Variants in KCNMA1 observed in about 807,000 individuals in gnomAD.
The protein encoded by KCNMA1 is potassium calcium-activated channel subfamily M alpha 1.
In KCNMA1, 29 loss-of-function variants were observed where a neutral mutation model predicts 140.0. The observed-to-expected ratio is 0.21, with a 90% CI of 0.15 to 0.28. The LOEUF (loss-of-function observed/expected upper bound fraction) is 0.28, where lower values mean the gene tolerates loss of function less well. KCNMA1 is among the 10% of genes least tolerant of loss of function. The probability of loss-of-function intolerance (pLI) is 1.00; values close to 1 mark genes in which losing one functional copy is unlikely to be tolerated. For synonymous variants in KCNMA1, 612 were observed against 611.9 expected (o/e 1.00, Z 0.00); for missense variants, 880 against 1,602.2 (o/e 0.55, Z 7.70).
chr10:77,434,015 T>A (rs895325768), intron 1 of KCNMA1, among the ~76,000 whole-genome samples: 1 of 152,162 alleles, frequency 6.6e-6, no homozygotes, highest in Non-Finnish European at 1.5e-5. Context: ...CAGTTAAACT[T>A]TTTATGTCAC....
chr10:77,012,643 A>G lies in KCNMA1; in HGVS notation c.2016-600T>C, dbSNP rs1312502525. ...GAGTTTCACAGCTTATTTTACTCCAAAGCTGACTGGACCAATTCCCATGCT... is the reference window on the plus strand; with the variant it reads ...GAGTTTCACAGCTTATTTTACTCCAGAGCTGACTGGACCAATTCCCATGCT... On this transcript the variant is annotated intron_variant, in intron 17 of 27. Transcript: ENST00000286628. 6.3e-6 allele frequency: 7 copies of G among 1,104,218 alleles called. No homozygotes were observed. The African/African-American group carries it at 7.8e-5, about 12-fold the overall frequency. The allele number at this position is 1,104,218 out of a possible 1,614,324, so 68.4% of individuals were successfully genotyped here. A position where few individuals can be genotyped will look rare whatever the true frequency, so the allele number is the denominator to read the frequency against.
chr10:77,513,093 C>T (rs1439788), intron 1 of KCNMA1, among the ~76,000 whole-genome samples: 48,945 of 150,900 alleles, frequency 0.32, 8,871 homozygotes, highest in East Asian at 0.53. Flanking sequence ...CCCTGAAAAA[C>T]GGCCCCTGCC....
At chr10:77,283,990 G>C (rs2069682240) in intron 2 of KCNMA1, among the ~76,000 whole-genome samples, 2 of 152,172 alleles carry the variant, frequency 1.3e-5, no homozygotes. Context: ...CTGTGGGAAA[G>C]GGATGGGAAG....
intron 3 of KCNMA1, among the ~76,000 whole-genome samples, chr10:77,226,123 C>T (rs1015129021): frequency 1.3e-5 from 2 of 152,052 alleles, no homozygotes; most frequent in African/African-American, 4.8e-5. Context: ...TTTTGAAATG[C>T]CAAATAATAT....
intron 9 of KCNMA1, among the ~76,000 whole-genome samples, chr10:77,102,531 C>T (rs1250755944): frequency 6.6e-6 from 1 of 152,240 alleles, no homozygotes; most frequent in Non-Finnish European, 1.5e-5. Flanking sequence ...GCAAGCACTG[C>T]TCAGGCAGGT....
In KCNMA1 at chr10:77,236,677, C is replaced by A. The variant is rs79028913; in HGVS notation, c.602+14518G>T. 4.4e-3 allele frequency among the ~76,000 whole-genome samples: 666 copies of A among 152,252 alleles called. 28 individuals are homozygous for A. In the East Asian group the frequency reaches 0.085, roughly 19 times the overall value. On this transcript the variant is annotated intron_variant, in intron 3 of 27. Transcript: ENST00000286628. Reference sequence around the variant, plus strand: ...TCAGTACATTTATACAGTATACATACGTTTATACAGTATATATACATTTAT... The same window carrying A: ...TCAGTACATTTATACAGTATACATAAGTTTATACAGTATATATACATTTAT...
chr10:76,992,176 A>T (rs2082964362), intron 19 of KCNMA1, among the ~76,000 whole-genome samples: 1 of 152,182 alleles, frequency 6.6e-6, no homozygotes, highest in East Asian at 1.9e-4. Flanking sequence ...GTTTCCCTTG[A>T]ATATGAGAGA....
chr10:77,571,393 AC>A (rs1437598107), intron 1 of KCNMA1, among the ~76,000 whole-genome samples: 1 of 152,194 alleles, frequency 6.6e-6, no homozygotes, highest in Non-Finnish European at 1.5e-5. Context: ...GGTGTGACCA[AC>A]CCCAAACTAC....
chr10:77,126,050 G>A (rs1427050399), intron 5 of KCNMA1, among the ~76,000 whole-genome samples: 1 of 152,186 alleles, frequency 6.6e-6, no homozygotes, highest in Non-Finnish European at 1.5e-5. Flanking sequence ...CAGGCTAAGA[G>A]AGGAGACCAA....
intron 29 of KCNMA1, among the ~76,000 whole-genome samples, chr10:76,878,724 G>C (rs2033215342): frequency 6.6e-6 from 1 of 152,096 alleles, no homozygotes; most frequent in African/African-American, 2.4e-5. Context: ...GCTGAGTCAG[G>C]GCGTTTGGGG....
chr10:77,166,629 GGAGGGA>G (rs1266126625), intron 5 of KCNMA1, among the ~76,000 whole-genome samples: 1 of 151,910 alleles, frequency 6.6e-6, no homozygotes, highest in African/African-American at 2.4e-5. Flanking sequence ...AAAAGGAGAA[GGAGGGA>G]GAGGGAGAGG....
At chr10:76,923,428 C>CAAAAAAAA (rs926235292) in intron 23 of KCNMA1, among the ~76,000 whole-genome samples, 1 of 89,184 alleles carries the variant, frequency 1.1e-5, no homozygotes, top group Non-Finnish European at 2.2e-5. Context: ...GACTCCGTCT[C>CAAAAAAAA]AAAAAAAAAA....
At chr10:77,474,206 G>A (rs117284531) in intron 1 of KCNMA1, among the ~76,000 whole-genome samples, 2,098 of 152,330 alleles carry the variant, frequency 0.014, 25 homozygotes, top group Non-Finnish European at 0.022. Context: ...CATGATGTGA[G>A]AGAGAGTGTT....
intron 6 of KCNMA1, among the ~76,000 whole-genome samples, chr10:77,119,897 C>G (rs555687703): frequency 3.3e-5 from 5 of 151,870 alleles, no homozygotes; most frequent in Non-Finnish European, 4.4e-5. Flanking sequence ...GGAATTAAAG[C>G]AAAATAAAAT....
intron 2 of KCNMA1, among the ~76,000 whole-genome samples, chr10:77,269,249 G>A (rs971769151): frequency 6.6e-6 from 1 of 152,174 alleles, no homozygotes; most frequent in South Asian, 2.1e-4. Context: ...AAGGAATAAG[G>A]AGCAAATCCA....
chr10:77,396,813 C>A (rs2096070955), intron 2 of KCNMA1, among the ~76,000 whole-genome samples: 1 of 152,194 alleles, frequency 6.6e-6, no homozygotes, highest in Admixed American at 6.5e-5. Flanking sequence ...GCTGTGTAAG[C>A]TTCCTGGAGC....
intron 26 of KCNMA1, among the ~76,000 whole-genome samples, chr10:76,890,290 G>A (rs2039380309): frequency 6.6e-6 from 1 of 152,310 alleles, no homozygotes; most frequent in East Asian, 1.9e-4. Context: ...GTGGCTTCAG[G>A]TAGATGTTAC....
chr10:77,571,930 A>G (rs924190865), intron 1 of KCNMA1, among the ~76,000 whole-genome samples: 1 of 152,188 alleles, frequency 6.6e-6, no homozygotes, highest in Non-Finnish European at 1.5e-5. Flanking sequence ...TATTTATAGG[A>G]AAAGGAAAGC....
intron 23 of KCNMA1, among the ~76,000 whole-genome samples, chr10:76,934,524 G>C (rs2060039745): frequency 6.6e-6 from 1 of 152,156 alleles, no homozygotes; most frequent in South Asian, 2.1e-4. Flanking sequence ...TCCAAGCCCT[G>C]TATCCTTAAG....
Sources: gnomAD v4.1 joint callset for allele counts (sites outside exome capture counted in the v4.1 genomes callset) on GRCh38, gnomAD v4.1.1 for gene constraint, MANE v1.5 for transcripts, NCBI Gene and HGNC (gene_info 2026-07-23, HGNC 2026-07-21) for gene names.